Variants in KCNH1 observed in about 807,000 individuals in gnomAD.
KCNH1 encodes voltage-gated delayed rectifier potassium channel KCNH1.
In KCNH1, 27 loss-of-function variants were observed where a neutral mutation model predicts 69.2. The ratio of observed to expected loss-of-function variants is 0.39; its 90% CI spans 0.29 to 0.54. KCNH1 has a LOEUF of 0.54. KCNH1 is among the 20% of genes least tolerant of loss of function. KCNH1 has a pLI of 0.68. For missense variants in KCNH1, 798 were observed against 1,261.6 expected, an observed-to-expected ratio of 0.63 and a Z score of 5.57; for synonymous variants, 456 against 487.7, an observed-to-expected ratio of 0.93 and a Z score of 0.86.
At chr1:210,967,433 G>A (rs1688429318) in intron 6 of KCNH1, among the ~76,000 whole-genome samples, 1 of 152,082 alleles carries the variant, frequency 6.6e-6, no homozygotes, top group African/African-American at 2.4e-5. Context: ...TCACACTTAA[G>A]ACAAATGACT....
intron 7 of KCNH1, among the ~76,000 whole-genome samples, chr1:210,906,728 GATAGAT>G (rs1687110626): frequency 6.6e-6 from 1 of 152,292 alleles, no homozygotes; most frequent in Admixed American, 6.5e-5. Context: ...TTCTCTCACT[GATAGAT>G]TTCAGAAGCT....
At chr1:210,848,628 A>G (rs1458386529) in intron 7 of KCNH1, among the ~76,000 whole-genome samples, 1 of 152,216 alleles carries the variant, frequency 6.6e-6, no homozygotes, top group Non-Finnish European at 1.5e-5. Context: ...CTTTTGAATA[A>G]CAGCATAAAT....
chr1:210,878,398 A>G (rs1686426970), intron 7 of KCNH1, among the ~76,000 whole-genome samples: 1 of 152,174 alleles, frequency 6.6e-6, no homozygotes, highest in Admixed American at 6.6e-5. Flanking sequence ...ATTCTGGGCC[A>G]CAAAAAACAT....
At chr1:210,969,791 GT>G (rs1462018455) in intron 6 of KCNH1, among the ~76,000 whole-genome samples, 1 of 151,380 alleles carries the variant, frequency 6.6e-6, no homozygotes. Context: ...TAAATAATTT[GT>G]TTTTTTAAAC....
Position 211,082,834 on chromosome 1 carries a change from C to T in KCNH1, c.504G>A (p.Leu168=). 2 of 1,614,156 alleles carry T rather than the reference C, an allele frequency of 1.2e-6. No homozygotes were observed. The highest frequency in any genetic ancestry group is 4.5e-5 in the East Asian group (2 of 44,880). Residue 168 remains leucine, a synonymous_variant, in exon 5 of 11, where the codon CTG becomes CTA. Transcript: ENST00000271751. ...LTSSRGVLQQ[L]APSVQKGENV... The stretch of plus-strand genomic sequence containing the variant: ...TCTCGCCTTTTTGCACGCTTGGAGC[C>T]AGCTGCTGCAGGACACCCCTGCTGC...
At chr1:210,757,184 T>A (rs1683417224) in intron 10 of KCNH1, among the ~76,000 whole-genome samples, 1 of 152,202 alleles carries the variant, frequency 6.6e-6, no homozygotes, top group African/African-American at 2.4e-5. Context: ...GCATGCCCTG[T>A]CTATCTCATG....
rs368162072 is a variant in KCNH1 at position 210,888,146 on chromosome 1, A to C, written c.1462+31494T>G. 6.6e-5 allele frequency among the ~76,000 whole-genome samples: 10 copies of C among 152,324 alleles called. No homozygotes were observed. The East Asian group carries it at 1.5e-3, about 23-fold the overall frequency. ...CATCACACTTATTCTAAAATTGACC[A>C]CAAAATTGGAAGTAAAACACACCTC... On this transcript the variant is annotated intron_variant, in intron 7 of 10. Transcript: ENST00000271751.
chr1:210,975,849 C>T (rs1259772524), intron 6 of KCNH1, among the ~76,000 whole-genome samples: 14 of 152,160 alleles, frequency 9.2e-5, no homozygotes, highest in Admixed American at 9.2e-4. Context: ...GCAGTCTACT[C>T]ATCTGACAAA....
Position 210,683,793 on chromosome 1 carries a change from CG to C in KCNH1, c.2457del (p.Glu820SerfsTer55). The C allele has an allele frequency of 6.2e-7, 1 of 1,613,738 alleles. No individual in the cohort carries two copies. Among genetic ancestry groups the C allele is most frequent in the Non-Finnish European group, 8.5e-7 (1 of 1,180,052 alleles). On this transcript the variant is annotated frameshift_variant, in exon 11 of 11. Coordinates refer to ENST00000271751, the MANE Select transcript of KCNH1 (RefSeq NM_172362.3). LOFTEE classifies it low-confidence loss of function (END_TRUNC). This position sits in a 1 kb window ranked among gnomAD's most constrained non-coding sequence, Gnocchi z 5.7. Reference protein sequence around the residue: ...PDHAKLQAPGSECLGPKGGGG... With the variant: ...PDHAKLQAPGXECLGPKGGGG... ...CCGCCCCCCTTGGGGCCCAGGCACT[CG>C]GACCCTGGCGCCTGTAGCTTTGCGT...
chr1:210,791,173 T>A lies in KCNH1; in HGVS notation c.1915+6335A>T, dbSNP rs573234534. Among the ~76,000 whole-genome samples the A allele has an allele frequency of 4.6e-5, 7 of 152,284 alleles. No homozygotes were observed. The South Asian group carries it at 1.5e-3, about 32-fold the overall frequency. ...AAAGTGAAGAATTGGTCATTTCTTG[T>A]GGTTTAGGTTAATGTAATAAAAGGT... On this transcript the variant is annotated intron_variant, in intron 9 of 10. Coordinates refer to ENST00000271751, the MANE Select transcript of KCNH1 (RefSeq NM_172362.3).
At chr1:210,925,331 A>C (rs1687546025) in intron 6 of KCNH1, among the ~76,000 whole-genome samples, 2 of 152,352 alleles carry the variant, frequency 1.3e-5, no homozygotes, top group South Asian at 2.1e-4. Flanking sequence ...TTTTGCTCCA[A>C]GAACTACTGC....
rs1571664821 is a variant in KCNH1, at chr1:211,122,261, C to A, written c.79+11606G>T. 1.3e-5 allele frequency among the ~76,000 whole-genome samples: 2 copies of A among 152,106 alleles called. 1 individual carries two copies. The highest frequency in any genetic ancestry group is 3.9e-4 in the East Asian group (2 of 5,192). ...CACCGATCATCAGAGAAATGCAAAT[C>A]AAAACCACAATGAGACACTATCTCA... On this transcript the variant is annotated intron_variant, in intron 1 of 10. Transcript: ENST00000271751.
At chr1:211,043,931 G>C (rs1448611237) in intron 5 of KCNH1, among the ~76,000 whole-genome samples, 1 of 152,052 alleles carries the variant, frequency 6.6e-6, no homozygotes, top group African/African-American at 2.4e-5. Context: ...AGCATACAAG[G>C]GACATACCTT....
At chr1:210,719,086 G>A (rs563840542) in intron 10 of KCNH1, among the ~76,000 whole-genome samples, 8 of 152,238 alleles carry the variant, frequency 5.3e-5, no homozygotes, top group East Asian at 1.9e-4. Flanking sequence ...ACGTGTGGCC[G>A]TTTAAATTAA....
At chr1:211,107,924 T>C (rs1691388161) in intron 1 of KCNH1, among the ~76,000 whole-genome samples, 1 of 152,180 alleles carries the variant, frequency 6.6e-6, no homozygotes, top group Non-Finnish European at 1.5e-5. Context: ...AACCCTCCCC[T>C]TGGTGAGGAA....
chr1:211,001,257 C>A (rs1218441295), intron 6 of KCNH1, among the ~76,000 whole-genome samples: 1 of 152,126 alleles, frequency 6.6e-6, no homozygotes, highest in Admixed American at 6.5e-5. Flanking sequence ...TTTTTGCAAT[C>A]TACTCATCTG....
chr1:210,859,628 C>A (rs1486525473), intron 7 of KCNH1: 2 of 1,359,242 alleles, frequency 1.5e-6, no homozygotes, highest in African/African-American at 2.9e-5. Context: ...TCATCATCAT[C>A]ACTGTCATTC....
At chr1:211,085,224 G>A (rs1690931544) in intron 4 of KCNH1, among the ~76,000 whole-genome samples, 1 of 152,144 alleles carries the variant, frequency 6.6e-6, no homozygotes, top group South Asian at 2.1e-4. Flanking sequence ...AAGACATTCT[G>A]AATGGCTGGA....
chr1:210,989,287 G>A (rs964918028), intron 6 of KCNH1, among the ~76,000 whole-genome samples: 1 of 152,178 alleles, frequency 6.6e-6, no homozygotes, highest in African/African-American at 2.4e-5. Context: ...ATATGTTTAT[G>A]AAGCAAAAAC....
Sources: gnomAD v4.1 joint callset for allele counts (sites outside exome capture counted in the v4.1 genomes callset) on GRCh38, gnomAD v4.1.1 for gene constraint, Gnocchi (gnomAD v3.1) non-coding constraint, MANE v1.5 for transcripts, NCBI Gene and HGNC (gene_info 2026-07-23, HGNC 2026-07-21) for gene names.